The following CFAP20DC variants were observed in gnomAD, a reference collection of about 807,000 sequenced individuals.
The protein encoded by CFAP20DC is CFAP20 domain containing, also known as protein CFAP20DC.
Under a neutral mutation model 101.7 loss-of-function variants are expected in CFAP20DC, and 84 were observed. That is an observed-to-expected ratio of 0.83 (90% CI 0.69 to 0.99). The LOEUF (loss-of-function observed/expected upper bound fraction) is 0.99. CFAP20DC is among the 50% of genes least tolerant of loss of function. The pLI is 0.00. For missense variants in CFAP20DC, 1,007 were observed against 970.3 expected, an observed-to-expected ratio of 1.04 and a Z score of -0.50; for synonymous variants, 359 against 351.2, an observed-to-expected ratio of 1.02 and a Z score of -0.25.
chr3:58,848,982 C>T (rs1051926406), intron 13 of CFAP20DC, 50 bp downstream of exon 13: 1 of 1,507,650 alleles, frequency 6.6e-7, no homozygotes, highest in South Asian at 1.3e-5. Context: ...CAGAACGGAA[C>T]ACAGCAGGAT....
chr3:58,867,917 C>A lies in CFAP20DC; in HGVS notation c.1035G>T (p.Met345Ile). The stretch of plus-strand genomic sequence containing the variant: ...ATGGTTCTTGAGGGGGATGCGGATG[C>A]ATAATATGTAGATTGGCTGCTACAT... ...VPIHAANLHI[M>I]HPHPPQEPSA... Residue 345 changes from methionine (M) to isoleucine (I), a missense_variant, in exon 10 of 17, where the codon ATG becomes ATT. Physicochemically the swap from Met to Ile is conservative, Grantham distance 10 (BLOSUM62 1). Coordinates refer to ENST00000482387, the MANE Select transcript of CFAP20DC (RefSeq NM_001394063.1). 6.2e-7 allele frequency: 1 copy of A among 1,611,496 alleles called. No homozygotes were observed. The highest frequency in any genetic ancestry group is 8.5e-7 in the Non-Finnish European group (1 of 1,178,910).
Position 58,717,501 on chromosome 3 carries a change from C to A in CFAP20DC, c.*87G>T. On this transcript the variant is annotated 3_prime_UTR_variant, in exon 4 of 4. Coordinates refer to the CFAP20DC transcript ENST00000486145. This position sits in a 1 kb window ranked among gnomAD's most constrained non-coding sequence, Gnocchi z 4.1. ...GAAATGTGTTCTGGAAACTGTAGTT[C>A]AGGATGAGTATAGATGCTCAAGGAA... 1 of 370,618 alleles carries A rather than the reference C, an allele frequency of 2.7e-6. No individual in the cohort carries two copies. The highest frequency in any genetic ancestry group is 8.0e-5 in the East Asian group (1 of 12,466). 23.0% of individuals were successfully genotyped at this position (370,618 alleles called of 1,614,324 possible).
intron 16 of CFAP20DC, among the ~76,000 whole-genome samples, chr3:58,748,547 A>G (rs576788082): frequency 6.6e-6 from 1 of 152,238 alleles, no homozygotes; most frequent in South Asian, 2.1e-4. Context: ...CAGGACCCTG[A>G]GAGCTATGTA....
At chr3:58,730,018 CAAAAAAAAAA>C (rs769033730) in intron 3 of CFAP20DC, among the ~76,000 whole-genome samples, 1 of 53,512 alleles carries the variant, frequency 1.9e-5, no homozygotes, top group Non-Finnish European at 4.1e-5. Flanking sequence ...AACCTGTCTC[CAAAAAAAAAA>C]AAAAAAAAAA....
At chr3:58,902,537 T>C (rs1415903750) in intron 6 of CFAP20DC, among the ~76,000 whole-genome samples, 3 of 152,206 alleles carry the variant, frequency 2.0e-5, no homozygotes, top group African/African-American at 7.2e-5. Context: ...ATATTGAACA[T>C]TTTTTCACGT....
At chr3:58,970,415 T>C (rs1333363822) in intron 4 of CFAP20DC, 1 of 152,056 alleles carries the variant, frequency 6.6e-6, no homozygotes, top group African/African-American at 2.4e-5. Context: ...GAAGCAGAGA[T>C]TGGAGTGATA....
At chr3:58,975,537 T>C (rs1404825489) in intron 4 of CFAP20DC, among the ~76,000 whole-genome samples, 1 of 152,236 alleles carries the variant, frequency 6.6e-6, no homozygotes, top group African/African-American at 2.4e-5. Context: ...TATTTTTCTA[T>C]ACAGCATAAT....
intron 15 of CFAP20DC, among the ~76,000 whole-genome samples, chr3:58,770,375 T>C (rs549758591): frequency 6.6e-6 from 1 of 152,324 alleles, no homozygotes; most frequent in South Asian, 2.1e-4. Context: ...GAGTAAGACA[T>C]GGTTCCCGCC....
intron 14 of CFAP20DC, among the ~76,000 whole-genome samples, chr3:58,812,147 C>T (rs1235588846): frequency 2.0e-5 from 3 of 152,112 alleles, no homozygotes; most frequent in Non-Finnish European, 4.4e-5. Context: ...GTCAGTGTGG[C>T]GATTCCTTAG....
intron 4 of CFAP20DC, among the ~76,000 whole-genome samples, chr3:58,985,323 C>A (rs2092714572): frequency 6.6e-6 from 1 of 152,086 alleles, no homozygotes; most frequent in South Asian, 2.1e-4. Flanking sequence ...TATATTCCTT[C>A]CTCTTCAACT....
chr3:58,801,689 G>C (rs1440258777), intron 15 of CFAP20DC, among the ~76,000 whole-genome samples: 1 of 152,040 alleles, frequency 6.6e-6, no homozygotes, highest in Non-Finnish European at 1.5e-5. Context: ...TACAACGACA[G>C]GCCAGATTGC....
rs562767650 is a variant in CFAP20DC, at chr3:58,933,376, T to C, written c.393+4272A>G. Among the ~76,000 whole-genome samples the C allele has an allele frequency of 7.7e-4, 116 of 151,076 alleles. 1 individual carries two copies. In the East Asian group the frequency reaches 0.012, roughly 16 times the overall value. On this transcript the variant is annotated intron_variant, in intron 5 of 16. Transcript: ENST00000482387. ...TAGACAGATCAACGAGACAGAAAGT[T>C]AACAAGGATACCCAGGAATTGAACT...
intron 4 of CFAP20DC, among the ~76,000 whole-genome samples, chr3:59,022,372 T>A (rs1202290363): frequency 6.6e-6 from 1 of 152,070 alleles, no homozygotes; most frequent in Non-Finnish European, 1.5e-5. Context: ...GGGAATTGGA[T>A]AAGATTTGTA....
chr3:58,858,274 C>T (rs1348844353), intron 12 of CFAP20DC, among the ~76,000 whole-genome samples: 4 of 152,298 alleles, frequency 2.6e-5, no homozygotes, highest in South Asian at 4.1e-4. Context: ...TATTCAGTCA[C>T]GCCCCAGTGC....
chr3:58,859,875 A>G lies in CFAP20DC; in HGVS notation c.1593+3683T>C, dbSNP rs1297204047. ...CGTGTGTATGTAAGTGTGTGTGAGAAAGCAATTAAAAATCATTACTTGGCC... is the reference window on the plus strand; with the variant it reads ...CGTGTGTATGTAAGTGTGTGTGAGAGAGCAATTAAAAATCATTACTTGGCC... On this transcript the variant is annotated intron_variant, in intron 12 of 16. Coordinates refer to ENST00000482387, the MANE Select transcript of CFAP20DC (RefSeq NM_001394063.1). This position sits in a 1 kb window ranked among gnomAD's most constrained non-coding sequence, Gnocchi z 4.1. Among the ~76,000 whole-genome samples, 1 of 152,136 alleles carries G rather than the reference A, an allele frequency of 6.6e-6. No homozygotes were observed. The highest frequency in any genetic ancestry group is 1.9e-4 in the East Asian group (1 of 5,190).
At chr3:58,807,001 C>A in intron 14 of CFAP20DC, among the ~76,000 whole-genome samples, 1 of 152,148 alleles carries the variant, frequency 6.6e-6, no homozygotes, top group Non-Finnish European at 1.5e-5. Flanking sequence ...TGCAAGGCGG[C>A]AGTGAGGCTG....
intron 6 of CFAP20DC, among the ~76,000 whole-genome samples, chr3:58,898,922 C>G (rs2082903824): frequency 6.7e-6 from 1 of 150,198 alleles, no homozygotes. Flanking sequence ...TTTTTTTTAA[C>G]AGTCAGGCTA....
At chr3:58,794,973 T>C (rs2073131491) in intron 15 of CFAP20DC, among the ~76,000 whole-genome samples, 1 of 152,192 alleles carries the variant, frequency 6.6e-6, no homozygotes, top group Non-Finnish European at 1.5e-5. Context: ...AATGAGATCA[T>C]GAGTCTACGG....
intron 13 of CFAP20DC, among the ~76,000 whole-genome samples, chr3:58,838,753 A>C (rs1276728883): frequency 6.6e-6 from 1 of 152,198 alleles, no homozygotes; most frequent in African/African-American, 2.4e-5. Flanking sequence ...ATTAACCTTA[A>C]AGTGAATTGA....
Sources: gnomAD v4.1 joint callset for allele counts (sites outside exome capture counted in the v4.1 genomes callset) on GRCh38, gnomAD v4.1.1 for gene constraint, Gnocchi (gnomAD v3.1) non-coding constraint, MANE v1.5 for transcripts, NCBI Gene and HGNC (gene_info 2026-07-23, HGNC 2026-07-21) for gene names.